KCNQ5: variants seen among roughly 807,000 people sequenced by gnomAD.
KCNQ5 encodes the protein potassium voltage-gated channel subfamily KQT member 5.
KCNQ5 carries 30 observed loss-of-function variants against 98.2 expected under a neutral mutation model. The observed-to-expected ratio is 0.31, with a 90% CI of 0.23 to 0.41. The LOEUF is 0.41. Among genes scored for constraint, KCNQ5 ranks in the 10% least tolerant of loss-of-function variants. The probability of loss-of-function intolerance (pLI) is 1.00; values close to 1 mark genes in which losing one functional copy is unlikely to be tolerated. For missense variants in KCNQ5, 835 were observed against 1,182.5 expected, an observed-to-expected ratio of 0.71 and a Z score of 4.31; for synonymous variants, 458 against 449.4, an observed-to-expected ratio of 1.02 and a Z score of -0.24.
chr6:72,970,623 C>G (rs1767842855), intron 1 of KCNQ5, among the ~76,000 whole-genome samples: 1 of 152,116 alleles, frequency 6.6e-6, no homozygotes, highest in African/African-American at 2.4e-5. Flanking sequence ...GTAACCAAAA[C>G]AGCATGGTAC....
At chr6:72,998,601 G>A (rs1272134174) in intron 1 of KCNQ5, among the ~76,000 whole-genome samples, 1 of 152,030 alleles carries the variant, frequency 6.6e-6, no homozygotes, top group African/African-American at 2.4e-5. Flanking sequence ...GCCGGGCTTG[G>A]TGGTGGGTGC....
intron 1 of KCNQ5, among the ~76,000 whole-genome samples, chr6:72,996,937 A>G (rs1010887423): frequency 6.6e-6 from 1 of 152,158 alleles, no homozygotes; most frequent in Admixed American, 6.5e-5. Context: ...AACCAACCTC[A>G]AACATCTGAA....
intron 3 of KCNQ5, among the ~76,000 whole-genome samples, chr6:73,042,377 C>A (rs1396502654): frequency 6.6e-6 from 1 of 152,064 alleles, no homozygotes; most frequent in African/African-American, 2.4e-5. Flanking sequence ...TCTAGAATAC[C>A]CACTTATATC....
intron 1 of KCNQ5, among the ~76,000 whole-genome samples, chr6:72,877,044 AT>A (rs773714645): frequency 7.9e-4 from 118 of 150,138 alleles, no homozygotes; most frequent in African/African-American, 2.6e-3. Context: ...ACTCTCACCC[AT>A]TTTTTTTTAA....
intron 1 of KCNQ5, among the ~76,000 whole-genome samples, chr6:72,901,139 C>T (rs888774983): frequency 1.5e-5 from 2 of 135,016 alleles, no homozygotes; most frequent in Admixed American, 7.6e-5. Context: ...CCCCCTCCCC[C>T]GACCCCACAA....
At chr6:72,717,187 G>T (rs1769689752) in intron 1 of KCNQ5, among the ~76,000 whole-genome samples, 1 of 152,160 alleles carries the variant, frequency 6.6e-6, no homozygotes, top group Non-Finnish European at 1.5e-5. Context: ...TAGACAATTT[G>T]AATGTCTAAC....
At chr6:73,046,014 G>A (rs757280661) in intron 3 of KCNQ5, among the ~76,000 whole-genome samples, 28 of 151,982 alleles carry the variant, frequency 1.8e-4, no homozygotes, top group African/African-American at 2.7e-4. Context: ...TTTATCCTAC[G>A]TGGATAAAAT....
chr6:72,856,828 C>G (rs1777553441), intron 1 of KCNQ5, among the ~76,000 whole-genome samples: 1 of 152,214 alleles, frequency 6.6e-6, no homozygotes, highest in Non-Finnish European at 1.5e-5. Context: ...CCATGGCCAA[C>G]TCTGGTGATG....
intron 1 of KCNQ5, among the ~76,000 whole-genome samples, chr6:72,848,369 C>T (rs989504526): frequency 1.3e-5 from 2 of 152,058 alleles, no homozygotes; most frequent in African/African-American, 2.4e-5. Flanking sequence ...CCCCTACCCC[C>T]GACAGGCCCA....
At chr6:73,149,168 T>A (rs1777040230) in intron 10 of KCNQ5, among the ~76,000 whole-genome samples, 1 of 152,046 alleles carries the variant, frequency 6.6e-6, no homozygotes, top group South Asian at 2.1e-4. Context: ...TGAAACAAGA[T>A]GGGATGAGAA....
In KCNQ5 at chr6:72,791,339, C is replaced by CTAG. The variant is rs1774029020; in HGVS notation, c.398+168755_398+168757dup. On this transcript the variant is annotated intron_variant, in intron 1 of 13. Transcript: ENST00000370398. ...TGACAAAATGTGAACATCAGCTAGA[C>CTAG]TAGTATCCAGAAATCAGGATAGGTA... Among the ~76,000 whole-genome samples, 3 of 152,154 alleles carry CTAG rather than the reference C, an allele frequency of 2.0e-5. No homozygotes were observed. In the South Asian group the frequency reaches 6.2e-4, roughly 32 times the overall value.
intron 1 of KCNQ5, among the ~76,000 whole-genome samples, chr6:72,927,108 T>G (rs1023946978): frequency 6.6e-6 from 1 of 152,186 alleles, no homozygotes; most frequent in African/African-American, 2.4e-5. Context: ...CACAAGGAAT[T>G]AAATTTTATA....
chr6:73,120,964 T>C (rs1775723260), intron 8 of KCNQ5, among the ~76,000 whole-genome samples: 1 of 152,142 alleles, frequency 6.6e-6, no homozygotes, highest in South Asian at 2.1e-4. Context: ...GCTTAGAGAG[T>C]AATCCATCTT....
chr6:72,919,636 G>A (rs1451032969), intron 1 of KCNQ5, among the ~76,000 whole-genome samples: 2 of 152,066 alleles, frequency 1.3e-5, no homozygotes, highest in Non-Finnish European at 2.9e-5. Context: ...TAGTTAATCT[G>A]CTGAGCTCCC....
intron 10 of KCNQ5, among the ~76,000 whole-genome samples, chr6:73,137,816 C>T (rs190157418): frequency 2.0e-5 from 3 of 152,264 alleles, no homozygotes; most frequent in Admixed American, 2.0e-4. Context: ...CTCCTACAAA[C>T]GTATTCTAAG....
chr6:72,805,440 T>C (rs972456073), intron 1 of KCNQ5, among the ~76,000 whole-genome samples: 1 of 152,158 alleles, frequency 6.6e-6, no homozygotes, highest in Admixed American at 6.6e-5. Context: ...CATATCTTCT[T>C]GGCACTTCTA....
At chr6:72,709,876 AGTACCTGAACCCAT>A (rs1769276468) in intron 1 of KCNQ5, among the ~76,000 whole-genome samples, 1 of 152,234 alleles carries the variant, frequency 6.6e-6, no homozygotes, top group Admixed American at 6.5e-5. Flanking sequence ...TGTGGAATAT[AGTACCTGAACCCAT>A]GAATCTTACA....
intron 11 of KCNQ5, among the ~76,000 whole-genome samples, chr6:73,188,201 G>A (rs1002446364): frequency 2.6e-5 from 4 of 152,226 alleles, no homozygotes; most frequent in African/African-American, 9.6e-5. Flanking sequence ...AGATCTGGGT[G>A]GAATCCTGAT....
At chr6:72,826,094 T>C (rs1383475184) in intron 1 of KCNQ5, among the ~76,000 whole-genome samples, 1 of 152,108 alleles carries the variant, frequency 6.6e-6, no homozygotes, top group Non-Finnish European at 1.5e-5. Context: ...GCTTCAGCTC[T>C]GGAGACTGTA....
Sources: gnomAD v4.1 joint callset for allele counts (sites outside exome capture counted in the v4.1 genomes callset) on GRCh38, gnomAD v4.1.1 for gene constraint, MANE v1.5 for transcripts, NCBI Gene and HGNC (gene_info 2026-07-23, HGNC 2026-07-21) for gene names.